Variants in NKAIN3 observed in about 807,000 individuals in gnomAD.
The protein encoded by NKAIN3 is sodium/potassium transporting ATPase interacting 3, also known as sodium/potassium-transporting ATPase subunit beta-1-interacting protein 3.
Under a neutral mutation model 30.2 loss-of-function variants are expected in NKAIN3, and 25 were observed. That is an observed-to-expected ratio of 0.83 (90% CI 0.60 to 1.16). The LOEUF is 1.16. Among genes scored for constraint, NKAIN3 ranks in the 50% most tolerant of loss-of-function variants. The pLI is 0.00. For synonymous variants in NKAIN3, 91 were observed against 89.6 expected (o/e 1.02, Z -0.09); for missense variants, 225 against 254.1 (o/e 0.89, Z 0.78).
intron 4 of NKAIN3, among the ~76,000 whole-genome samples, chr8:62,888,505 G>A (rs1017866599): frequency 6.6e-6 from 1 of 152,170 alleles, no homozygotes; most frequent in Admixed American, 6.5e-5. Flanking sequence ...CCATTAAGTT[G>A]TGATTCTCTG....
chr8:62,923,588 C>T (rs1295784794), intron 5 of NKAIN3, among the ~76,000 whole-genome samples: 3 of 152,092 alleles, frequency 2.0e-5, no homozygotes, highest in Non-Finnish European at 4.4e-5. Context: ...AAGTAAACAT[C>T]CACTGTACCA....
At chr8:62,658,338 G>T (rs114093082) in intron 3 of NKAIN3, among the ~76,000 whole-genome samples, 2,519 of 152,168 alleles carry the variant, frequency 0.017, 63 homozygotes, top group African/African-American at 0.057. Context: ...ATTTAATTTC[G>T]CGGTGAGGAT....
intron 1 of NKAIN3, among the ~76,000 whole-genome samples, chr8:62,262,829 T>C (rs1487574794): frequency 6.6e-6 from 1 of 152,190 alleles, no homozygotes; most frequent in Non-Finnish European, 1.5e-5. Context: ...ATTAATATGT[T>C]TGTTTGGCTC....
At chr8:62,708,393 A>G (rs943397034) in intron 3 of NKAIN3, among the ~76,000 whole-genome samples, 2 of 152,048 alleles carry the variant, frequency 1.3e-5, no homozygotes, top group African/African-American at 2.4e-5. Flanking sequence ...GTTGTCTATG[A>G]TTTCTTTCAG....
chr8:62,983,444 C>T lies in NKAIN3; in HGVS notation c.*18037C>T, dbSNP rs1244964441. The T allele has an allele frequency of 6.6e-6, 1 of 152,188 alleles. No homozygotes were observed. The highest frequency in any genetic ancestry group is 1.9e-4 in the East Asian group (1 of 5,196). The allele number at this position is 152,188 out of a possible 1,614,324, so 9.4% of individuals were successfully genotyped here. The stretch of plus-strand genomic sequence containing the variant: ...GCCCATTTGCAACCCTCTTCTGTCT[C>T]CCTAAGCATTCAACAAACACTTAGT... On this transcript the variant is annotated 3_prime_UTR_variant, in exon 7 of 7. Transcript: ENST00000623646.
At chr8:62,282,689 C>G (rs1813245039) in intron 1 of NKAIN3, among the ~76,000 whole-genome samples, 1 of 152,126 alleles carries the variant, frequency 6.6e-6, no homozygotes, top group African/African-American at 2.4e-5. Context: ...CTCTTGACTG[C>G]TTTGGTGACT....
At chr8:62,318,316 A>C (rs550608515) in intron 1 of NKAIN3, among the ~76,000 whole-genome samples, 54 of 152,028 alleles carry the variant, frequency 3.6e-4, no homozygotes, top group African/African-American at 1.2e-3. Context: ...AGCACGTCCC[A>C]TGTTGTCCAA....
intron 3 of NKAIN3, among the ~76,000 whole-genome samples, chr8:62,600,356 A>G (rs1810952628): frequency 6.6e-6 from 1 of 152,052 alleles, no homozygotes; most frequent in African/African-American, 2.4e-5. Flanking sequence ...CTAAAATCTT[A>G]TAGGCAGGGG....
chr8:62,389,872 G>T (rs1178196472), intron 1 of NKAIN3, among the ~76,000 whole-genome samples: 2 of 152,094 alleles, frequency 1.3e-5, no homozygotes, highest in African/African-American at 4.8e-5. Context: ...TTTTGTTGTT[G>T]TTGATGTTCT....
chr8:62,993,565 A>T (rs1367458458), intron 5 of NKAIN3, among the ~76,000 whole-genome samples: 1 of 152,146 alleles, frequency 6.6e-6, no homozygotes, highest in Non-Finnish European at 1.5e-5. Flanking sequence ...CCGGCACTGG[A>T]AAAATCTCTC....
At chr8:62,522,788 T>C (rs1425372735) in intron 1 of NKAIN3, among the ~76,000 whole-genome samples, 2 of 151,934 alleles carry the variant, frequency 1.3e-5, no homozygotes, top group African/African-American at 4.8e-5. Context: ...GAGAAGATAT[T>C]CTTTTACAGC....
chr8:62,807,849 C>G (rs1425618578), intron 4 of NKAIN3, among the ~76,000 whole-genome samples: 1 of 150,000 alleles, frequency 6.7e-6, no homozygotes, highest in African/African-American at 2.4e-5. Context: ...ACAATTTTAT[C>G]AATTTTATAA....
rs994390764 is a variant in NKAIN3 at position 62,975,748 on chromosome 8, T to G, written c.*10341T>G. Among the ~76,000 whole-genome samples, 2 of 152,206 alleles carry G rather than the reference T, an allele frequency of 1.3e-5. No individual in the cohort carries two copies. The highest frequency in any genetic ancestry group is 2.9e-5 in the Non-Finnish European group (2 of 68,032). On this transcript the variant is annotated 3_prime_UTR_variant, in exon 7 of 7. Transcript: ENST00000623646. ...TTCTTTAATTCTTTTAATTGTGATG[T>G]TAGCGTGTTGATTGTAGATGTTTAG...
At chr8:62,846,900 C>A (rs1368896509) in intron 4 of NKAIN3, among the ~76,000 whole-genome samples, 4 of 152,070 alleles carry the variant, frequency 2.6e-5, no homozygotes, top group Non-Finnish European at 4.4e-5. Flanking sequence ...CGGTGGCAGG[C>A]AAGAGAGCTT....
intron 3 of NKAIN3, among the ~76,000 whole-genome samples, chr8:62,640,683 G>A (rs904561092): frequency 6.6e-5 from 10 of 151,956 alleles, no homozygotes; most frequent in African/African-American, 1.2e-4. Flanking sequence ...TTTCCTCTGC[G>A]CGCACCCAGC....
chr8:62,630,297 C>T (rs569300872), intron 3 of NKAIN3, among the ~76,000 whole-genome samples: 1 of 152,178 alleles, frequency 6.6e-6, no homozygotes, highest in East Asian at 1.9e-4. Flanking sequence ...AGAGCCTGAA[C>T]TATAAAAACA....
chr8:62,424,472 T>A (rs932120774), intron 1 of NKAIN3, among the ~76,000 whole-genome samples: 2 of 151,670 alleles, frequency 1.3e-5, no homozygotes, highest in African/African-American at 4.8e-5. Context: ...ATAACCCACT[T>A]AAAAAGTGTG....
chr8:62,909,921 TC>T (rs1255354694), intron 4 of NKAIN3, among the ~76,000 whole-genome samples: 1 of 152,154 alleles, frequency 6.6e-6, no homozygotes, highest in African/African-American at 2.4e-5. Flanking sequence ...GGCCAAAAAT[TC>T]TTTCATGTCA....
intron 4 of NKAIN3, among the ~76,000 whole-genome samples, chr8:62,859,353 A>G (rs1346969516): frequency 2.0e-5 from 3 of 151,976 alleles, no homozygotes; most frequent in African/African-American, 7.2e-5. Context: ...TCACTTGTTA[A>G]TCTCCTGAGT....
Sources: allele counts gnomAD v4.1 joint callset (sites outside exome capture counted in the v4.1 genomes callset), GRCh38; gene constraint gnomAD v4.1.1; transcripts MANE v1.5; gene names NCBI Gene and HGNC (gene_info 2026-07-23, HGNC 2026-07-21).